LITAF: variants seen among roughly 807,000 people sequenced by gnomAD.
The protein encoded by LITAF is lipopolysaccharide-induced tumor necrosis factor-alpha factor.
LITAF carries 9 observed loss-of-function variants against 14.5 expected under a neutral mutation model. The observed-to-expected ratio is 0.62, with a 90% CI of 0.37 to 1.08. The LOEUF is 1.08. Among genes scored for constraint, LITAF ranks in the 50% least tolerant of loss-of-function variants. The pLI is 0.01. For missense variants in LITAF, 206 were observed against 213.4 expected, an observed-to-expected ratio of 0.97 and a Z score of 0.22; for synonymous variants, 98 against 88.2, an observed-to-expected ratio of 1.11 and a Z score of -0.62.
chr16:11,590,150 G>C (rs1483787982), upstream of LITAF, among the ~76,000 whole-genome samples: 1 of 112,998 alleles, frequency 8.8e-6, no homozygotes, highest in Admixed American at 8.7e-5. Flanking sequence ...AAGAGAGAGA[G>C]AGAATGTAAT....
In LITAF at chr16:11,605,041, C is replaced by T. The variant is rs981595155; in HGVS notation, c.85+28492G>A. On this transcript the variant is annotated intron_variant, in intron 3 of 3. Coordinates refer to the LITAF transcript ENST00000574848. This position sits in a 1 kb window ranked among gnomAD's most constrained non-coding sequence, Gnocchi z 4.7. ...GAACTTCCTTGCCTACTCCAGGAATCGGCCAGGACCACTGCTGGACGTGGG... is the reference window on the plus strand; with the variant it reads ...GAACTTCCTTGCCTACTCCAGGAATTGGCCAGGACCACTGCTGGACGTGGG... 2.6e-5 allele frequency among the ~76,000 whole-genome samples: 4 copies of T among 152,294 alleles called. No individual in the cohort carries two copies. Among genetic ancestry groups the T allele is most frequent in the Non-Finnish European group, 4.4e-5 (3 of 68,018 alleles).
At chr16:11,551,188 A>G (rs868180719) in intron 3 of LITAF, among the ~76,000 whole-genome samples, 8 of 152,214 alleles carry the variant, frequency 5.3e-5, no homozygotes, top group African/African-American at 1.9e-4. Flanking sequence ...TGATGAGGAA[A>G]TTATCTCATG....
intron 1 of LITAF, among the ~76,000 whole-genome samples, chr16:11,563,909 G>A (rs115526627): frequency 0.013 from 1,904 of 152,020 alleles, 43 homozygotes; most frequent in African/African-American, 0.043. Flanking sequence ...TCTCAGTTTT[G>A]CTTGTGTTTT....
chr16:11,597,374 G>A (rs189832165), intron 1 of LITAF, among the ~76,000 whole-genome samples: 59 of 152,198 alleles, frequency 3.9e-4, no homozygotes, highest in African/African-American at 1.4e-3. Flanking sequence ...AGTGGAGTGC[G>A]GGTGGAGCAT....
chr16:11,568,301 A>AG (rs1158773559), intron 1 of LITAF, among the ~76,000 whole-genome samples: 2 of 151,924 alleles, frequency 1.3e-5, no homozygotes, highest in Non-Finnish European at 2.9e-5. Flanking sequence ...AAAAAAAAAA[A>AG]AAGAAAAGAG....
At chr16:11,574,960 G>A (rs1396209100) in intron 1 of LITAF, among the ~76,000 whole-genome samples, 2 of 151,928 alleles carry the variant, frequency 1.3e-5, no homozygotes, top group Admixed American at 6.6e-5. Context: ...ATGCCACCAC[G>A]CTCAGCTCAT....
upstream of LITAF, among the ~76,000 whole-genome samples, chr16:11,588,758 G>A (rs2064831051): frequency 6.6e-6 from 1 of 151,894 alleles, no homozygotes; most frequent in African/African-American, 2.4e-5. Flanking sequence ...TAACACCTAG[G>A]GAAAATCTCT....
At chr16:11,571,712 G>T (rs969457389) in intron 1 of LITAF, among the ~76,000 whole-genome samples, 1 of 152,180 alleles carries the variant, frequency 6.6e-6, no homozygotes, top group South Asian at 2.1e-4. Flanking sequence ...GTGGGAGTGG[G>T]CCCTGTGGTC....
At chr16:11,601,898 C>T (rs577802840), upstream of LITAF, among the ~76,000 whole-genome samples, 12 of 152,288 alleles carry the variant, frequency 7.9e-5, no homozygotes, top group East Asian at 2.1e-3. Context: ...TGGGAATCTA[C>T]CACATGGATG....
chr16:11,572,020 TTGA>T (rs1415625292), intron 1 of LITAF, among the ~76,000 whole-genome samples: 1 of 152,022 alleles, frequency 6.6e-6, no homozygotes, highest in Admixed American at 6.6e-5. Context: ...GCCCAGGAGT[TTGA>T]GGCTGCAGTG....
upstream of LITAF, among the ~76,000 whole-genome samples, chr16:11,637,918 ATCTATATCTATATC>A (rs1567270823): frequency 1.5e-5 from 1 of 65,532 alleles, no homozygotes; most frequent in African/African-American, 8.7e-5. Context: ...ATATATCTAT[ATCTATATCTATATC>A]TATATCTATA....
rs1446947266 is a variant in LITAF, at chr16:11,548,963, C to T, written c.*674G>A. ...CACAGAGAAACAAGGGGAGACAGGG[C>T]AGTGATAAGATCCAGCCCTATTTTT... On this transcript the variant is annotated 3_prime_UTR_variant, in exon 4 of 4. Transcript: ENST00000622633. The T allele has an allele frequency of 2.2e-6, 1 of 453,972 alleles. No individual in the cohort carries two copies. The highest frequency in any genetic ancestry group is 1.6e-5 in the South Asian group (1 of 64,478). The allele number at this position is 453,972 out of a possible 1,614,324, so 28.1% of individuals were successfully genotyped here.
chr16:11,612,069 C>T (rs906382913), intron 3 of LITAF, among the ~76,000 whole-genome samples: 10 of 152,266 alleles, frequency 6.6e-5, no homozygotes, highest in East Asian at 5.8e-4. Context: ...CCTCGGGGCT[C>T]GGAAATCACC....
chr16:11,562,009 CG>C, intron 1 of LITAF, among the ~76,000 whole-genome samples: 1 of 152,102 alleles, frequency 6.6e-6, no homozygotes, highest in East Asian at 1.9e-4. Flanking sequence ...GCCTGAAACT[CG>C]TAGACTCAAA....
chr16:11,569,621 G>T (rs1389741408), intron 1 of LITAF, among the ~76,000 whole-genome samples: 3 of 152,132 alleles, frequency 2.0e-5, no homozygotes, highest in Non-Finnish European at 4.4e-5. Context: ...GAGTAGGAAT[G>T]GCGTGGACTA....
At chr16:11,618,935 A>T (rs2065033585) in intron 3 of LITAF, among the ~76,000 whole-genome samples, 1 of 151,380 alleles carries the variant, frequency 6.6e-6, no homozygotes, top group South Asian at 2.1e-4. Flanking sequence ...GTGAGCCGAG[A>T]TTACGCCACT....
At chr16:11,571,438 C>G (rs1389526839) in intron 1 of LITAF, among the ~76,000 whole-genome samples, 1 of 152,186 alleles carries the variant, frequency 6.6e-6, no homozygotes, top group African/African-American at 2.4e-5. Flanking sequence ...ACTACATTCA[C>G]GTTACCTAAG....
intron 3 of LITAF, chr16:11,628,977 A>G (rs2141903973): frequency 6.6e-6 from 1 of 152,170 alleles, no homozygotes. Flanking sequence ...CTCCCAGCCT[A>G]TTTTAGTTTT....
chr16:11,639,777 T>C (rs1418975902), upstream of LITAF, among the ~76,000 whole-genome samples: 1 of 152,074 alleles, frequency 6.6e-6, no homozygotes, highest in Non-Finnish European at 1.5e-5. Context: ...GGCGGATCAC[T>C]TGAGGTCAGG....
Sources: gnomAD v4.1 joint callset for allele counts (sites outside exome capture counted in the v4.1 genomes callset) on GRCh38, gnomAD v4.1.1 for gene constraint, Gnocchi (gnomAD v3.1) non-coding constraint, MANE v1.5 for transcripts, NCBI Gene and HGNC (gene_info 2026-07-23, HGNC 2026-07-21) for gene names.